Variants in RASA3 observed in about 807,000 individuals in gnomAD.
The protein encoded by RASA3 is ras GTPase-activating protein 3.
A neutral mutation model predicts 110.0 loss-of-function variants in RASA3; 73 were observed. The observed-to-expected ratio is 0.66, with a 90% CI of 0.55 to 0.81. RASA3 has a LOEUF of 0.81. Ranked by LOEUF, RASA3 falls within the 30% of genes least tolerant of loss-of-function variation. The pLI, the probability that RASA3 is intolerant of heterozygous loss-of-function variation, is 0.00. For synonymous variants in RASA3, 500 were observed against 451.4 expected, an observed-to-expected ratio of 1.11 and a Z score of -1.37; for missense variants, 976 against 1,113.2, an observed-to-expected ratio of 0.88 and a Z score of 1.75.
intron 23 of RASA3, among the ~76,000 whole-genome samples, 182 bp downstream of exon 23, chr13:113,981,493 C>T (rs939862634): frequency 1.3e-5 from 2 of 152,208 alleles, no homozygotes; most frequent in Non-Finnish European, 2.9e-5. Flanking sequence ...GAGGGACCAG[C>T]AGCGCCGGGC....
At chr13:114,016,063 G>A in intron 13 of RASA3, 134 bp downstream of exon 13, 1 of 711,986 alleles carries the variant, frequency 1.4e-6, no homozygotes, top group East Asian at 2.9e-5. Context: ...AGCCGGGTGA[G>A]GCGGGTATCC....
At chr13:114,098,850 C>G (rs1369098688) in intron 1 of RASA3, among the ~76,000 whole-genome samples, 1 of 152,194 alleles carries the variant, frequency 6.6e-6, no homozygotes, top group Non-Finnish European at 1.5e-5. Context: ...GGGCTACACT[C>G]TAACCTTTGC....
chr13:114,007,860 C>A (rs2053551190), intron 17 of RASA3, among the ~76,000 whole-genome samples: 1 of 152,264 alleles, frequency 6.6e-6, no homozygotes, highest in African/African-American at 2.4e-5. Context: ...CCTGCATCTC[C>A]AGAGGCCACC....
In RASA3 at chr13:114,014,858, C is replaced by T. The variant is rs185943889; in HGVS notation, c.1405+351G>A. Among the ~76,000 whole-genome samples the T allele has an allele frequency of 5.9e-5, 9 of 152,198 alleles. No homozygotes were observed. Among genetic ancestry groups the T allele is most frequent in the East Asian group, 1.9e-4 (1 of 5,150 alleles). On this transcript the variant is annotated intron_variant, in intron 14 of 23. Coordinates refer to ENST00000334062, the MANE Select transcript of RASA3 (RefSeq NM_007368.4). This position sits in a 1 kb window ranked among gnomAD's most constrained non-coding sequence, Gnocchi z 4.5. ...CATCAGGAAAATTCACATTCCACCC[C>T]GACAAAGCCTGGCCACCCTTCCCGG...
chr13:114,020,240 G>A (rs192709896), intron 9 of RASA3, among the ~76,000 whole-genome samples: 4 of 75,778 alleles, frequency 5.3e-5, no homozygotes, highest in Admixed American at 1.2e-4. Context: ...TCAGGTGGGT[G>A]GAGCCTGTGT....
chr13:114,065,081 CAG>C lies in RASA3; in HGVS notation c.173+8637_173+8638del, dbSNP rs770903552. 6.6e-6 allele frequency among the ~76,000 whole-genome samples: 1 copy of C among 152,230 alleles called. No individual in the cohort carries two copies. Among genetic ancestry groups the C allele is most frequent in the Non-Finnish European group, 1.5e-5 (1 of 68,042 alleles). ...AAAAGAAAAAACCTCTTGCAGAAAA[CAG>C]AGTTGACCTTTAAGTAGTGGCTCTG... On this transcript the variant is annotated intron_variant, in intron 2 of 23. Transcript: ENST00000334062. The surrounding 1 kb of genome is among the most constrained non-coding windows in gnomAD (Gnocchi z 4.1).
chr13:114,105,373 TG>T (rs1398198945), intron 1 of RASA3, among the ~76,000 whole-genome samples: 1 of 152,094 alleles, frequency 6.6e-6, no homozygotes, highest in African/African-American at 2.4e-5. Context: ...ACAGCAGCAG[TG>T]GAGCTCTCCA....
intron 20 of RASA3, 57 bp from the exon 21 acceptor site, chr13:113,996,796 G>C: frequency 1.3e-6 from 2 of 1,485,698 alleles, no homozygotes; most frequent in South Asian, 2.3e-5. Context: ...CTGAGCACGT[G>C]CAAGAGTCCA....
chr13:114,003,432 A>G (rs2053446566), intron 18 of RASA3, among the ~76,000 whole-genome samples: 1 of 152,242 alleles, frequency 6.6e-6, no homozygotes, highest in Admixed American at 6.5e-5. Flanking sequence ...GGATTACAGG[A>G]TGAATATCTG....
At chr13:114,054,434 G>T (rs1034399191) in intron 2 of RASA3, among the ~76,000 whole-genome samples, 4 of 149,652 alleles carry the variant, frequency 2.7e-5, no homozygotes, top group Non-Finnish European at 3.0e-5. Context: ...GTTGCTGCCC[G>T]GAGCCCAGGT....
rs903292610 is a variant in RASA3, at chr13:114,096,199, G to T, written c.56-22362C>A. Among the ~76,000 whole-genome samples the T allele has an allele frequency of 2.0e-5, 3 of 152,192 alleles. No individual in the cohort carries two copies. Among genetic ancestry groups the T allele is most frequent in the Non-Finnish European group, 2.9e-5 (2 of 68,034 alleles). Reference sequence around the variant, plus strand: ...CAGGTGGCCCTGGCGGCATCGGTGTGCTGGGAAGGGAGTGCGCAGGCCCAC... The same window carrying T: ...CAGGTGGCCCTGGCGGCATCGGTGTTCTGGGAAGGGAGTGCGCAGGCCCAC... On this transcript the variant is annotated intron_variant, in intron 1 of 23. Transcript: ENST00000334062. This position sits in a 1 kb window ranked among gnomAD's most constrained non-coding sequence, Gnocchi z 5.1.
At chr13:114,028,066 C>A (rs1057466476) in intron 5 of RASA3, 139 bp from the exon 6 acceptor site, 39 of 677,414 alleles carry the variant, frequency 5.8e-5, no homozygotes, top group Non-Finnish European at 9.2e-5. Flanking sequence ...GAGGGCCACA[C>A]CAGCCATTCT....
chr13:114,051,910 G>T, intron 3 of RASA3, 142 bp downstream of exon 3: 1 of 610,756 alleles, frequency 1.6e-6, no homozygotes, highest in East Asian at 2.9e-5. Context: ...AGCAGATCAG[G>T]AGGAACACCC....
In RASA3 at chr13:114,056,609, C is replaced by T. The variant is rs2079250410; in HGVS notation, c.174-4454G>A. On this transcript the variant is annotated intron_variant, in intron 2 of 23. Transcript: ENST00000334062. This position sits in a 1 kb window ranked among gnomAD's most constrained non-coding sequence, Gnocchi z 5.7. Reference sequence around the variant, plus strand: ...GGGGCTCGGTGGGGGGAGGCCCGTGCTGGCTGGGCACCTGGGAGGGTCCCG... The same window carrying T: ...GGGGCTCGGTGGGGGGAGGCCCGTGTTGGCTGGGCACCTGGGAGGGTCCCG... 2.0e-6 allele frequency: 2 copies of T among 984,492 alleles called. No individual in the cohort carries two copies. The highest frequency in any genetic ancestry group is 2.4e-6 in the Non-Finnish European group (2 of 829,672). 61.0% of individuals were successfully genotyped at this position (984,492 alleles called of 1,614,324 possible).
intron 7 of RASA3, among the ~76,000 whole-genome samples, chr13:114,026,225 G>A (rs952433569): frequency 2.0e-5 from 3 of 152,236 alleles, no homozygotes; most frequent in African/African-American, 7.2e-5. Flanking sequence ...ACCCCACTGT[G>A]TGTATGACAG....
At chr13:114,072,525 T>A (rs1322803061) in intron 2 of RASA3, among the ~76,000 whole-genome samples, 1 of 152,240 alleles carries the variant, frequency 6.6e-6, no homozygotes, top group African/African-American at 2.4e-5. Flanking sequence ...TTTCTCAGTA[T>A]TTCCCCCTCT....
intron 2 of RASA3, among the ~76,000 whole-genome samples, chr13:114,058,107 A>C (rs2079275334): frequency 6.6e-6 from 1 of 151,932 alleles, no homozygotes; most frequent in African/African-American, 2.4e-5. Flanking sequence ...CTGCCTGACC[A>C]CTCAGGGGTG....
Position 114,073,804 on chromosome 13 carries a change from G to C in RASA3, c.89C>G (p.Pro30Arg). The change falls in exon 2 of 24, where the codon CCG (proline) becomes CGG (arginine). Residue 30 changes from proline to arginine, a missense_variant. Pro to Arg is a moderately radical substitution (Grantham distance 103). Coordinates refer to ENST00000334062, the MANE Select transcript of RASA3 (RefSeq NM_007368.4). The part of the protein sequence containing the change: ...EAKNLPSYPG[P>R]SKMRDCYCTV... Reference sequence around the variant, plus strand: ...GCAGTAGCAATCCCTCATCTTGCTCGGCCCCGGGTAAGAGGGAAGGTTTTT... The same window carrying C: ...GCAGTAGCAATCCCTCATCTTGCTCCGCCCCGGGTAAGAGGGAAGGTTTTT... The C allele has an allele frequency of 1.2e-6, 2 of 1,614,210 alleles. No homozygotes were observed. Among genetic ancestry groups the C allele is most frequent in the Non-Finnish European group, 1.7e-6 (2 of 1,180,046 alleles).
intron 1 of RASA3, among the ~76,000 whole-genome samples, chr13:114,126,985 T>C (rs1012293245): frequency 1.3e-4 from 20 of 152,090 alleles, no homozygotes; most frequent in African/African-American, 4.6e-4. Flanking sequence ...CCTCCCACCA[T>C]CGCTCAGCAG....
Sources: allele counts gnomAD v4.1 joint callset (sites outside exome capture counted in the v4.1 genomes callset), GRCh38; gene constraint gnomAD v4.1.1; non-coding constraint Gnocchi (gnomAD v3.1); transcripts MANE v1.5; gene names NCBI Gene and HGNC (gene_info 2026-07-23, HGNC 2026-07-21).